The following CAMSAP1 variants were observed in gnomAD, a reference collection of about 807,000 sequenced individuals.
The protein encoded by CAMSAP1 is calmodulin-regulated spectrin-associated protein 1.
A neutral mutation model predicts 143.5 loss-of-function variants in CAMSAP1; 58 were observed. The ratio of observed to expected loss-of-function variants is 0.40; its 90% CI spans 0.33 to 0.50. CAMSAP1 has a LOEUF of 0.50. Among genes scored for constraint, CAMSAP1 ranks in the 20% least tolerant of loss-of-function variants. The probability of loss-of-function intolerance (pLI) is 0.45; values close to 1 mark genes in which losing one functional copy is unlikely to be tolerated. For synonymous variants in CAMSAP1, 945 were observed against 859.3 expected, an observed-to-expected ratio of 1.10 and a Z score of -1.74; for missense variants, 1,969 against 2,115.7, an observed-to-expected ratio of 0.93 and a Z score of 1.36.
In CAMSAP1 at chr9:135,907,048, T is replaced by G; in HGVS notation, c.112A>C (p.Lys38Gln). Residue 38 changes from lysine to glutamine, a missense_variant, in exon 1 of 17, where the codon AAG becomes CAG. Coordinates refer to ENST00000389532, the MANE Select transcript of CAMSAP1 (RefSeq NM_015447.4). ...ATCCACTGCAGGTTGGCGGCGATCT[T>G]GGCGCGCGCCGCGTCGTAGCGGTCC... The part of the protein sequence containing the change: ...PLDRYDAARA[K>Q]IAANLQWICA... The G allele has an allele frequency of 8.3e-7, 1 of 1,207,564 alleles. No individual in the cohort carries two copies. The highest frequency in any genetic ancestry group is 4.2e-5 in the East Asian group (1 of 24,030). The allele number at this position is 1,207,564 out of a possible 1,614,324, so 74.8% of individuals were successfully genotyped here. A position where few individuals can be genotyped will look rare whatever the true frequency, so the allele number is the denominator to read the frequency against.
At chr9:135,832,803 CAAAT>C (rs1835896413) in intron 7 of CAMSAP1, among the ~76,000 whole-genome samples, 1 of 151,982 alleles carries the variant, frequency 6.6e-6, no homozygotes, top group Non-Finnish European at 1.5e-5. Flanking sequence ...TCAAAAAGAA[CAAAT>C]ACTTAGGAAT....
intron 1 of CAMSAP1, among the ~76,000 whole-genome samples, chr9:135,887,593 C>A (rs1197438615): frequency 2.0e-5 from 3 of 152,186 alleles, no homozygotes; most frequent in African/African-American, 7.2e-5. Flanking sequence ...GGGAGGGATG[C>A]AGGGCCCAGG....
At chr9:135,834,262 G>GA (rs1321801141) in intron 7 of CAMSAP1, among the ~76,000 whole-genome samples, 1 of 152,174 alleles carries the variant, frequency 6.6e-6, no homozygotes, top group Non-Finnish European at 1.5e-5. Flanking sequence ...TCAAAAAACT[G>GA]AAAACAGAAT....
At chr9:135,878,392 G>A (rs1217672710) in intron 3 of CAMSAP1, among the ~76,000 whole-genome samples, 2 of 124,554 alleles carry the variant, frequency 1.6e-5, no homozygotes, top group Admixed American at 7.3e-5. Flanking sequence ...CCCAAGGAGG[G>A]ATTACCCAGG....
chr9:135,879,522 T>C (rs1837866291), intron 3 of CAMSAP1, among the ~76,000 whole-genome samples: 1 of 152,124 alleles, frequency 6.6e-6, no homozygotes, highest in African/African-American at 2.4e-5. Flanking sequence ...TCTATGTCTT[T>C]ACCATAGAAA....
At position 135,811,347 on chromosome 9, in the gene CAMSAP1, G is replaced by A; in HGVS notation, c.4771C>T (p.Arg1591Trp). 3.7e-6 allele frequency: 6 copies of A among 1,612,946 alleles called. No homozygotes were observed. Among genetic ancestry groups the A allele is most frequent in the Non-Finnish European group, 8.5e-7 (1 of 1,179,446 alleles). Residue 1591 changes from arginine (R) to tryptophan (W), a missense_variant, in exon 17 of 17, where the codon CGG (arginine) becomes TGG (tryptophan). Arg to Trp is a moderately radical substitution (Grantham distance 101, BLOSUM62 -3). Coordinates refer to ENST00000389532, the MANE Select transcript of CAMSAP1 (RefSeq NM_015447.4). This position sits in a 1 kb window ranked among gnomAD's most constrained non-coding sequence, Gnocchi z 4.9. Reference protein sequence around the residue: ...TIHNHLWQPKRPAVPKKAQTR... With the variant: ...TIHNHLWQPKWPAVPKKAQTR... The stretch of plus-strand genomic sequence containing the variant: ...TGGGCCTTCTTTGGCACTGCAGGCC[G>A]CTTGGGCTGCCACAGGTGGTTGTGG...
chr9:135,885,506 G>A (rs1321630166), intron 1 of CAMSAP1, among the ~76,000 whole-genome samples: 2 of 152,128 alleles, frequency 1.3e-5, no homozygotes, highest in Non-Finnish European at 2.9e-5. Context: ...GCACGTAAGT[G>A]GAGGGCTGGC....
intron 7 of CAMSAP1, chr9:135,849,792 A>G (rs1453460615): frequency 5.6e-6 from 1 of 177,002 alleles, no homozygotes; most frequent in Admixed American, 5.8e-5. Flanking sequence ...ATATTCCTCT[A>G]TATTATCTCC....
At chr9:135,859,424 G>A (rs1466822315) in intron 5 of CAMSAP1, among the ~76,000 whole-genome samples, 5 of 151,948 alleles carry the variant, frequency 3.3e-5, no homozygotes, top group South Asian at 2.1e-4. Context: ...AGACAGTCTC[G>A]CTCTGTCACC....
chr9:135,875,978 AAC>A (rs2130967761), intron 3 of CAMSAP1, among the ~76,000 whole-genome samples: 1 of 152,244 alleles, frequency 6.6e-6, no homozygotes, highest in South Asian at 2.1e-4. Flanking sequence ...TGTTTTTTGA[AAC>A]AGTCTTGCTC....
At chr9:135,883,142 G>A in intron 1 of CAMSAP1, 64 bp from the exon 2 acceptor site, 2 of 1,523,002 alleles carry the variant, frequency 1.3e-6, no homozygotes, top group South Asian at 2.5e-5. Flanking sequence ...GGAGTTCAAG[G>A]CTGCAGTGAA....
intron 1 of CAMSAP1, among the ~76,000 whole-genome samples, chr9:135,901,317 A>G (rs118160663): frequency 0.01 from 1,546 of 152,262 alleles, 19 homozygotes; most frequent in Non-Finnish European, 0.015. Context: ...ATCTGGGCAC[A>G]GTGGACTAAC....
intron 5 of CAMSAP1, among the ~76,000 whole-genome samples, chr9:135,858,055 G>A (rs891712401): frequency 6.6e-6 from 1 of 151,982 alleles, no homozygotes; most frequent in Non-Finnish European, 1.5e-5. Flanking sequence ...AGGCACTGCT[G>A]TCCACCAGCA....
At chr9:135,837,959 C>A (rs1167663836) in intron 7 of CAMSAP1, among the ~76,000 whole-genome samples, 2 of 150,440 alleles carry the variant, frequency 1.3e-5, no homozygotes, top group African/African-American at 4.9e-5. Flanking sequence ...ACGCTTTCTA[C>A]CCCTTCTACA....
Position 135,821,196 on chromosome 9 carries a change from C to A in CAMSAP1, c.3465G>T (p.Glu1155Asp), listed in dbSNP as rs552959446. 9.4e-5 allele frequency: 151 copies of A among 1,609,706 alleles called. 1 individual carries two copies. The South Asian group carries it at 1.6e-3, about 17-fold the overall frequency. Residue 1155 changes from glutamate (E) to aspartate (D), a missense_variant, in exon 11 of 17, where the codon GAG becomes GAT. Physicochemically the swap from Glu to Asp is conservative, Grantham distance 45. Transcript: ENST00000389532. The surrounding 1 kb of genome is among the most constrained non-coding windows in gnomAD (Gnocchi z 4.6). ...PTDPGLDSALEPSGDPHGKCL... is the reference protein window; with the variant it reads ...PTDPGLDSALDPSGDPHGKCL... Reference sequence around the variant, plus strand: ...ACTTCCCATGTGGGTCACCACTGGGCTCCAGGGCACTGTCCAGGCCAGGGT... The same window carrying A: ...ACTTCCCATGTGGGTCACCACTGGGATCCAGGGCACTGTCCAGGCCAGGGT...
chr9:135,816,381 GC>G (rs1474226776), intron 14 of CAMSAP1, among the ~76,000 whole-genome samples: 3 of 152,184 alleles, frequency 2.0e-5, no homozygotes, highest in Non-Finnish European at 4.4e-5. Flanking sequence ...CTGTGCTGCT[GC>G]CCAGCCAGGG....
At chr9:135,895,196 C>G (rs1838405796) in intron 1 of CAMSAP1, among the ~76,000 whole-genome samples, 1 of 152,130 alleles carries the variant, frequency 6.6e-6, no homozygotes, top group Non-Finnish European at 1.5e-5. Context: ...GAAAATCTTC[C>G]CAAACATGTT....
At position 135,815,180 on chromosome 9, in the gene CAMSAP1, T is replaced by C. The variant is rs935442175; in HGVS notation, c.4423A>G (p.Asn1475Asp). 2 of 1,613,724 alleles carry C rather than the reference T, an allele frequency of 1.2e-6. No individual in the cohort carries two copies. The highest frequency in any genetic ancestry group is 1.3e-5 in the African/African-American group (1 of 74,922). ...ATGGCATTGTGAATAATCGGCTTGT[T>C]TGATTTACTACTGGGCTCCTTAAAG... is the stretch of plus-strand genomic sequence containing the variant. The part of the protein sequence containing the change: ...KLFKEPSSKS[N>D]KPIIHNAISH... The change falls in exon 16 of 17, where the codon AAC (asparagine) becomes GAC (aspartate). Residue 1475 changes from asparagine (N) to aspartate (D), a missense_variant. Transcript: ENST00000389532.
intron 7 of CAMSAP1, among the ~76,000 whole-genome samples, chr9:135,849,311 G>T (rs1836686802): frequency 6.6e-6 from 1 of 152,138 alleles, no homozygotes; most frequent in African/African-American, 2.4e-5. Context: ...ATGGTTGTAG[G>T]GCACAGGAAA....
Sources: allele counts gnomAD v4.1 joint callset (sites outside exome capture counted in the v4.1 genomes callset), GRCh38; gene constraint gnomAD v4.1.1; non-coding constraint Gnocchi (gnomAD v3.1); transcripts MANE v1.5; gene names NCBI Gene and HGNC (gene_info 2026-07-23, HGNC 2026-07-21).